Variants in ZNF121 observed in about 807,000 individuals in gnomAD.
ZNF121 encodes the protein zinc finger protein 121.
A neutral mutation model predicts 2.4 loss-of-function variants in ZNF121; 1 was observed. The ratio of observed to expected loss-of-function variants is 0.41; its 90% CI spans 0.15 to 1.94. ZNF121 has a LOEUF of 1.94. Among genes scored for constraint, ZNF121 ranks in the 30% most tolerant of loss-of-function variants. The pLI, the probability that ZNF121 is intolerant of heterozygous loss-of-function variation, is 0.30. For missense variants in ZNF121, 369 were observed against 466.3 expected (o/e 0.79, Z 1.92); for synonymous variants, 173 against 158.6 (o/e 1.09, Z -0.68).
At position 9,565,870 on chromosome 19, in the gene ZNF121, T is replaced by C. The variant is rs2074127797; in HGVS notation, c.*70A>G. 17 of 1,249,320 alleles carry C rather than the reference T, an allele frequency of 1.4e-5. No homozygotes were observed. The highest frequency in any genetic ancestry group is 1.7e-5 in the Non-Finnish European group (16 of 916,996). The allele number at this position is 1,249,320 out of a possible 1,614,324, so 77.4% of individuals were successfully genotyped here. A position where few individuals can be genotyped will look rare whatever the true frequency, so the allele number is the denominator to read the frequency against. On this transcript the variant is annotated 3_prime_UTR_variant, in exon 4 of 4. Coordinates refer to ENST00000320451, the MANE Select transcript of ZNF121 (RefSeq NM_001008727.5). ...AATAAAATTTCTCTTCAGTGTGAAT[T>C]CAAATGTGGTAATTATGGTATGAGA... is the stretch of plus-strand genomic sequence containing the variant.
chr19:9,578,975 G>A (rs1409289571), intron 1 of ZNF121, among the ~76,000 whole-genome samples: 3 of 118,626 alleles, frequency 2.5e-5, no homozygotes, highest in South Asian at 2.8e-4. Context: ...AACTCAACTT[G>A]ATAGCAAAAA....
Position 9,566,918 on chromosome 19 carries a change from A to T in ZNF121, c.195T>A (p.Asn65Lys), listed in dbSNP as rs772235656. Residue 65 changes from asparagine (N) to lysine (K), a missense_variant, in exon 4 of 4, where the codon AAT becomes AAA. Around this residue, in one of 4 missense-constraint regions of ZNF121, gnomAD observed 168 missense variants for 162.3 expected, o/e 1.03. Coordinates refer to ENST00000320451, the MANE Select transcript of ZNF121 (RefSeq NM_001008727.5). ...GCAGGCTGAAGGCTTTTCTGCACTG[A>T]TTCAACACAGAAAGTGTCTCTCCAG... ...APAGETLSVL[N>K]QCRKAFSLPP... The T allele has an allele frequency of 2.5e-6, 4 of 1,614,190 alleles. No individual in the cohort carries two copies. The highest frequency in any genetic ancestry group is 2.2e-5 in the East Asian group (1 of 44,880).
chr19:9,573,413 A>G (rs2074187894), intron 1 of ZNF121, among the ~76,000 whole-genome samples: 2 of 152,194 alleles, frequency 1.3e-5, no homozygotes, highest in South Asian at 4.1e-4. Flanking sequence ...GGATCAGAGG[A>G]AAGATTCACT....
intron 1 of ZNF121, among the ~76,000 whole-genome samples, chr19:9,578,587 A>C (rs1042961596): frequency 6.6e-5 from 10 of 152,324 alleles, no homozygotes; most frequent in African/African-American, 2.4e-4. Flanking sequence ...AGGCACCAAA[A>C]GCATACAATG....
In ZNF121 at chr19:9,560,581, G is replaced by C. The variant is rs1195038511; in HGVS notation, c.*5359C>G. 2 of 152,206 alleles carry C rather than the reference G, an allele frequency of 1.3e-5. No homozygotes were observed. The highest frequency in any genetic ancestry group is 3.8e-4 in the East Asian group (2 of 5,200). 9.4% of individuals were successfully genotyped at this position (152,206 alleles called of 1,614,324 possible). On this transcript the variant is annotated 3_prime_UTR_variant, in exon 4 of 4. Transcript: ENST00000320451. ...TTAGATACCCCATATAAGTGGAAAT[G>C]GGTGTATTTGTCCTTTCGGAACTGG...
Position 9,563,478 on chromosome 19 carries a change from A to G in ZNF121, c.*2462T>C, listed in dbSNP as rs1011529112. 2.0e-5 allele frequency: 3 copies of G among 152,248 alleles called. No homozygotes were observed. Among genetic ancestry groups the G allele is most frequent in the African/African-American group, 4.8e-5 (2 of 41,476 alleles). 9.4% of individuals were successfully genotyped at this position (152,248 alleles called of 1,614,324 possible). A position where few individuals can be genotyped will look rare whatever the true frequency, so the allele number is the denominator to read the frequency against. On this transcript the variant is annotated 3_prime_UTR_variant, in exon 4 of 4. Transcript: ENST00000320451. The stretch of plus-strand genomic sequence containing the variant: ...GAATATCTAGATAAATGGCAGAGGT[A>G]GCTCTACTAGAGTTTTAACAGAGAC...
intron 1 of ZNF121, among the ~76,000 whole-genome samples, chr19:9,572,576 C>A (rs762101778): frequency 1.3e-5 from 2 of 152,160 alleles, no homozygotes; most frequent in African/African-American, 2.4e-5. Flanking sequence ...GAGCACCATA[C>A]TGTAGGGGTA....
Position 9,565,351 on chromosome 19 carries a change from TACAAA to T in ZNF121, c.*584_*588del, listed in dbSNP as rs2074122359. 1 of 37,386 alleles carries T rather than the reference TACAAA, an allele frequency of 2.7e-5. No individual in the cohort carries two copies. The highest frequency in any genetic ancestry group is 5.9e-5 in the African/African-American group (1 of 16,926). 2.3% of individuals were successfully genotyped at this position (37,386 alleles called of 1,614,324 possible). ...AAAAGAATGTGTATTAACAACGACT[TACAAA>T]AAAAAAAAAAAAAAAAAAAAAAAAA... On this transcript the variant is annotated 3_prime_UTR_variant, in exon 4 of 4. Transcript: ENST00000320451.
intron 1 of ZNF121, among the ~76,000 whole-genome samples, chr19:9,574,975 AC>A (rs1451938984): frequency 6.6e-6 from 1 of 152,220 alleles, no homozygotes; most frequent in African/African-American, 2.4e-5. Context: ...ACTTTTTACA[AC>A]CAAGTTGCCC....
Position 9,569,081 on chromosome 19 carries a change from T to G in ZNF121, c.-158A>C, listed in dbSNP as rs1199774601. 1 of 153,098 alleles carries G rather than the reference T, an allele frequency of 6.5e-6. No homozygotes were observed. Among genetic ancestry groups the G allele is most frequent in the Non-Finnish European group, 1.5e-5 (1 of 68,076 alleles). The allele number at this position is 153,098 out of a possible 1,614,324, so 9.5% of individuals were successfully genotyped here. A position where few individuals can be genotyped will look rare whatever the true frequency, so the allele number is the denominator to read the frequency against. ...AAGAGACAGACTGAGTTTGAATAGGTCCTGTACAGAGGGAAAGATACATCA... is the reference window on the plus strand; with the variant it reads ...AAGAGACAGACTGAGTTTGAATAGGGCCTGTACAGAGGGAAAGATACATCA... On this transcript the variant is annotated splice_region_variant and 5_prime_UTR_variant, in exon 2 of 4. Coordinates refer to ENST00000320451, the MANE Select transcript of ZNF121 (RefSeq NM_001008727.5).
In ZNF121 at chr19:9,566,903, G is replaced by A. The variant is rs143847450; in HGVS notation, c.210C>T (p.Ala70=). ...TLSVLNQCRK[A]FSLPPNVHQR... is the part of the protein sequence containing the mutation. ...GGTGAACATTTGGTGGCAGGCTGAA[G>A]GCTTTTCTGCACTGATTCAACACAG... Residue 70 remains alanine, a synonymous_variant, in exon 4 of 4, where the codon GCC becomes GCT. Transcript: ENST00000320451. 1.2e-6 allele frequency: 2 copies of A among 1,614,054 alleles called. No homozygotes were observed. The highest frequency in any genetic ancestry group is 1.7e-6 in the Non-Finnish European group (2 of 1,180,034).
chr19:9,570,078 T>C (rs943954773), intron 1 of ZNF121, among the ~76,000 whole-genome samples: 36 of 151,830 alleles, frequency 2.4e-4, no homozygotes, highest in Non-Finnish European at 4.4e-4. Flanking sequence ...TGGTGGCACG[T>C]GCCTGTAGTC....
chr19:9,572,549 T>C (rs902570180), intron 1 of ZNF121, among the ~76,000 whole-genome samples: 2 of 152,106 alleles, frequency 1.3e-5, no homozygotes, highest in Non-Finnish European at 2.9e-5. Context: ...AGAAGCCAAG[T>C]CAGAGTGGCT....
rs1225453180 is a variant in ZNF121, at chr19:9,566,108, AG to A, written c.1004del (p.Thr335MetfsTer53). On this transcript the variant is annotated frameshift_variant, in exon 4 of 4. Coordinates refer to ENST00000320451, the MANE Select transcript of ZNF121 (RefSeq NM_001008727.5). LOFTEE classifies it low-confidence loss of function (END_TRUNC). ...SQLIEHIRTH[T>X]GEKPYICKEC... ...CCTTACATATATACGGTTTCTCTCC[AG>A]TGTGAGTTCTTATATGTTCAATGAG... is the stretch of plus-strand genomic sequence containing the variant. The A allele has an allele frequency of 1.2e-6, 2 of 1,614,076 alleles. No homozygotes were observed. Among genetic ancestry groups the A allele is most frequent in the Non-Finnish European group, 8.5e-7 (1 of 1,180,000 alleles).
intron 1 of ZNF121, among the ~76,000 whole-genome samples, chr19:9,576,283 C>T (rs1406140269): frequency 6.6e-6 from 1 of 151,178 alleles, no homozygotes; most frequent in African/African-American, 2.4e-5. Flanking sequence ...TGCTTGCACC[C>T]AGGACTTTGA....
At chr19:9,581,892 G>A (rs892558119) in intron 1 of ZNF121, among the ~76,000 whole-genome samples, 2 of 152,018 alleles carry the variant, frequency 1.3e-5, no homozygotes, top group African/African-American at 4.8e-5. Context: ...ATTTTTTTAG[G>A]CGATGCATTA....
chr19:9,568,177 T>C lies in ZNF121; in HGVS notation c.-78-2A>G. 1 of 1,433,420 alleles carries C rather than the reference T, an allele frequency of 7.0e-7. No homozygotes were observed. The highest frequency in any genetic ancestry group is 9.4e-7 in the Non-Finnish European group (1 of 1,063,256). 88.8% of individuals were successfully genotyped at this position (1,433,420 alleles called of 1,614,324 possible). A position where few individuals can be genotyped will look rare whatever the true frequency, so the allele number is the denominator to read the frequency against. On this transcript the variant is annotated splice_acceptor_variant, in intron 2 of 3. Coordinates refer to ENST00000320451, the MANE Select transcript of ZNF121 (RefSeq NM_001008727.5). LOFTEE classifies it low-confidence loss of function (5UTR_SPLICE). ...ACACTTTGGTTTTAACTTGCCATTC[T>C]GAAGTAAAACAGAAAAAAAGAAAAA...
chr19:9,582,822 GA>G, intron 1 of ZNF121, among the ~76,000 whole-genome samples: 1 of 147,810 alleles, frequency 6.8e-6, no homozygotes, highest in East Asian at 2.0e-4. Flanking sequence ...AAATTTTTCA[GA>G]AAAAAATGTC....
At chr19:9,570,520 G>T (rs1404242920) in intron 1 of ZNF121, among the ~76,000 whole-genome samples, 1 of 152,238 alleles carries the variant, frequency 6.6e-6, no homozygotes, top group South Asian at 2.1e-4. Flanking sequence ...GGACAGGTAT[G>T]ACTGCAAAGA....
Sources: allele counts gnomAD v4.1 joint callset (sites outside exome capture counted in the v4.1 genomes callset), GRCh38; gene constraint gnomAD v4.1.1; regional missense constraint gnomAD v4.1.1; transcripts MANE v1.5; gene names NCBI Gene and HGNC (gene_info 2026-07-23, HGNC 2026-07-21).